UBR2: variants seen among roughly 807,000 people sequenced by gnomAD.
UBR2 encodes E3 ubiquitin-protein ligase UBR2.
Under a neutral mutation model 247.9 loss-of-function variants are expected in UBR2, and 92 were observed. That is an observed-to-expected ratio of 0.37 (90% CI 0.31 to 0.44). The LOEUF is 0.44. UBR2 is among the 20% of genes least tolerant of loss of function. The pLI, the probability that UBR2 is intolerant of heterozygous loss-of-function variation, is 1.00. For missense variants in UBR2, 1,613 were observed against 2,112.6 expected (o/e 0.76, Z 4.64); for synonymous variants, 672 against 693.5 (o/e 0.97, Z 0.49).
rs1430282544 is a variant in UBR2 at position 42,659,558 on chromosome 6, C to CT, written c.3243-98_3243-97insT. ...ACACACACACACACACACACACACA[C>CT]ACACTACACACACACACACATACCT... On this transcript the variant is annotated intron_variant, in intron 29 of 46. Transcript: ENST00000372901. The surrounding 1 kb of genome is among the most constrained non-coding windows in gnomAD (Gnocchi z 4.3). The CT allele has an allele frequency of 1.0e-4, 77 of 736,584 alleles. No homozygotes were observed. The highest frequency in any genetic ancestry group is 7.1e-4 in the African/African-American group (37 of 52,014). The allele number at this position is 736,584 out of a possible 1,614,324, so 45.6% of individuals were successfully genotyped here.
At chr6:42,595,868 C>G (rs1792937683) in intron 4 of UBR2, among the ~76,000 whole-genome samples, 2 of 151,696 alleles carry the variant, frequency 1.3e-5, no homozygotes, top group South Asian at 4.2e-4. Context: ...TTTTCATTTG[C>G]TTTGTGAAAG....
At chr6:42,580,295 T>C (rs1745888562) in intron 2 of UBR2, among the ~76,000 whole-genome samples, 1 of 152,172 alleles carries the variant, frequency 6.6e-6, no homozygotes, top group Admixed American at 6.5e-5. Flanking sequence ...ATTTTGGAGA[T>C]TTGTGATTAT....
rs1416313143 is a variant in UBR2, at chr6:42,619,436, TATATATATATA to T, written c.1281+1930_1281+1940del. The T allele has an allele frequency of 1.3e-3, 32 of 24,116 alleles. 3 individuals are homozygous for T. The highest frequency in any genetic ancestry group is 2.2e-3 in the Admixed American group (4 of 1,798). 1.5% of individuals were successfully genotyped at this position (24,116 alleles called of 1,614,324 possible). On this transcript the variant is annotated intron_variant, in intron 11 of 46. Coordinates refer to ENST00000372901, the MANE Select transcript of UBR2 (RefSeq NM_001363705.2). ...ACATATATATATATATATATATATA[TATATATATATA>T]TATATATTTTTTTTTTTTAGTTCTC...
Position 42,683,041 on chromosome 6 carries a change from T to G in UBR2, c.4719-14T>G, listed in dbSNP as rs763531553. The stretch of plus-strand genomic sequence containing the variant: ...AAAGTGTTTTGTGTTTTTCCCCCTC[T>G]GTTTACATTAAAGTTGGTGCCGTAA... On this transcript the variant is annotated splice_polypyrimidine_tract_variant and intron_variant, in intron 42 of 46. Coordinates refer to ENST00000372901, the MANE Select transcript of UBR2 (RefSeq NM_001363705.2). 2 of 1,611,088 alleles carry G rather than the reference T, an allele frequency of 1.2e-6. No homozygotes were observed. The highest frequency in any genetic ancestry group is 1.1e-5 in the South Asian group (1 of 90,760).
intron 22 of UBR2, 120 bp from the exon 23 acceptor site, chr6:42,650,164 A>G: frequency 1.4e-6 from 1 of 728,800 alleles, no homozygotes; most frequent in Non-Finnish European, 2.2e-6. Context: ...AAATAGTTGT[A>G]GCTTAACACC....
chr6:42,673,568 C>T (rs1292718328), intron 36 of UBR2, among the ~76,000 whole-genome samples: 1 of 152,212 alleles, frequency 6.6e-6, no homozygotes, highest in Non-Finnish European at 1.5e-5. Flanking sequence ...AGAAAACCAG[C>T]AACATGGTGG....
intron 11 of UBR2, among the ~76,000 whole-genome samples, chr6:42,626,572 G>A (rs1282847988): frequency 6.6e-6 from 1 of 152,150 alleles, no homozygotes; most frequent in Non-Finnish European, 1.5e-5. Flanking sequence ...CTGATAGAGT[G>A]AGGTGGATCA....
At chr6:42,627,637 A>G (rs1291567469) in intron 11 of UBR2, among the ~76,000 whole-genome samples, 2 of 151,258 alleles carry the variant, frequency 1.3e-5, no homozygotes, top group Non-Finnish European at 1.5e-5. Flanking sequence ...AGCTGGGACT[A>G]CAAGTGTGCG....
intron 15 of UBR2, 32 bp from the exon 16 acceptor site, chr6:42,640,177 A>G (rs1196781253): frequency 1.3e-6 from 2 of 1,566,054 alleles, no homozygotes; most frequent in South Asian, 1.2e-5. Flanking sequence ...TTACTGATAG[A>G]AATACTGTTT....
At position 42,564,145 on chromosome 6, in the gene UBR2, G is replaced by C; in HGVS notation, c.-175G>C. The C allele has an allele frequency of 1.5e-6, 1 of 682,034 alleles. No homozygotes were observed. Among genetic ancestry groups the C allele is most frequent in the Non-Finnish European group, 2.4e-6 (1 of 417,512 alleles). The allele number at this position is 682,034 out of a possible 1,614,324, so 42.2% of individuals were successfully genotyped here. On this transcript the variant is annotated 5_prime_UTR_variant, in exon 1 of 47. Coordinates refer to ENST00000372901, the MANE Select transcript of UBR2 (RefSeq NM_001363705.2). ...TTGGGAGGGAGCGCAGGAGGCCGCT[G>C]TCCTTCCTTTCCGGTTCACGTCACC...
chr6:42,620,747 A>C (rs978618654), intron 11 of UBR2, among the ~76,000 whole-genome samples: 66 of 151,696 alleles, frequency 4.4e-4, no homozygotes, highest in African/African-American at 1.6e-3. Flanking sequence ...GAGCCACTGC[A>C]CCCAGCCAGG....
At chr6:42,619,864 C>G in intron 11 of UBR2, 1 of 719,770 alleles carries the variant, frequency 1.4e-6, no homozygotes. Flanking sequence ...ACCACAGATG[C>G]ATGCCACCAC....
chr6:42,662,952 C>CAACAA (rs1554261624), intron 31 of UBR2, among the ~76,000 whole-genome samples: 1 of 146,410 alleles, frequency 6.8e-6, no homozygotes, highest in Non-Finnish European at 1.5e-5. Context: ...ACAACAACAA[C>CAACAA]AAAAAAAAAA....
chr6:42,577,020 C>T (rs567179004), intron 2 of UBR2, among the ~76,000 whole-genome samples: 238 of 152,260 alleles, frequency 1.6e-3, no homozygotes, highest in Middle Eastern at 0.01. Flanking sequence ...TTAGTGAGAT[C>T]CTTTGTGTGT....
intron 7 of UBR2, among the ~76,000 whole-genome samples, chr6:42,611,917 A>G (rs997227461): frequency 2.1e-5 from 3 of 145,914 alleles, no homozygotes; most frequent in African/African-American, 8.4e-5. Context: ...AAAAAAAGAA[A>G]AAAAAAAAAA....
intron 37 of UBR2, 97 bp from the exon 38 acceptor site, chr6:42,674,029 C>A: frequency 7.3e-7 from 1 of 1,369,084 alleles, no homozygotes; most frequent in Non-Finnish European, 1.0e-6. Context: ...TATAAATTCT[C>A]ATGTGTCTTG....
rs201357262 is a variant in UBR2 at position 42,632,747 on chromosome 6, C to T, written c.1445+32C>T. On this transcript the variant is annotated intron_variant, in intron 12 of 46. Coordinates refer to ENST00000372901, the MANE Select transcript of UBR2 (RefSeq NM_001363705.2). ...TTTCATTTAATTATTAAACCAGTTG[C>T]AATTTATAGAAAGTCAATGTTTATG... 3 of 1,591,348 alleles carry T rather than the reference C, an allele frequency of 1.9e-6. No homozygotes were observed. In the African/African-American group the frequency reaches 4.1e-5, roughly 22 times the overall value.
chr6:42,651,011 CAGG>C (rs1797077792), intron 23 of UBR2, among the ~76,000 whole-genome samples: 1 of 152,032 alleles, frequency 6.6e-6, no homozygotes, highest in South Asian at 2.1e-4. Flanking sequence ...CGCTTGAGCT[CAGG>C]AGTTCGAGAT....
At chr6:42,575,067 C>T (rs1791418454) in intron 2 of UBR2, among the ~76,000 whole-genome samples, 1 of 152,184 alleles carries the variant, frequency 6.6e-6, no homozygotes, top group South Asian at 2.1e-4. Flanking sequence ...TACATAAATA[C>T]AGATGGGAAT....
Sources: gnomAD v4.1 joint callset for allele counts (sites outside exome capture counted in the v4.1 genomes callset) on GRCh38, gnomAD v4.1.1 for gene constraint, Gnocchi (gnomAD v3.1) non-coding constraint, MANE v1.5 for transcripts, NCBI Gene and HGNC (gene_info 2026-07-23, HGNC 2026-07-21) for gene names.